The following FER1L6 variants were observed in gnomAD, a reference collection of about 807,000 sequenced individuals.
FER1L6 encodes fer-1 like family member 6.
FER1L6 carries 177 observed loss-of-function variants against 219.2 expected under a neutral mutation model. The ratio of observed to expected loss-of-function variants is 0.81; its 90% CI spans 0.71 to 0.91. The LOEUF is 0.91. FER1L6 is among the 40% of genes least tolerant of loss of function. FER1L6 has a pLI of 0.00. For missense variants in FER1L6, 2,153 were observed against 2,259.9 expected, an observed-to-expected ratio of 0.95 and a Z score of 0.96; for synonymous variants, 768 against 824.3, an observed-to-expected ratio of 0.93 and a Z score of 1.17.
intron 1 of FER1L6, among the ~76,000 whole-genome samples, chr8:123,950,726 A>T (rs1240936368): frequency 5.9e-5 from 9 of 152,200 alleles, no homozygotes; most frequent in African/African-American, 2.2e-4. Context: ...AGGGGCTAAC[A>T]CAGAAACATC....
At chr8:123,869,565 A>G (rs982561045) in intron 1 of FER1L6, among the ~76,000 whole-genome samples, 1 of 152,236 alleles carries the variant, frequency 6.6e-6, no homozygotes, top group Non-Finnish European at 1.5e-5. Flanking sequence ...TAAATAAAGG[A>G]AGAGATATTT....
At chr8:123,904,224 T>TTGTGTGTGTGTGTGTGTGTGTGTGTG (rs56224402) in intron 1 of FER1L6, among the ~76,000 whole-genome samples, 2 of 139,394 alleles carry the variant, frequency 1.4e-5, no homozygotes, top group African/African-American at 2.7e-5. Flanking sequence ...CTCTGTATAT[T>TTGTGTGTGTGTGTGTGTGTGTGTGTG]TGTGTGTGTG....
At chr8:124,048,345 G>A (rs1434046234) in intron 21 of FER1L6, among the ~76,000 whole-genome samples, 1 of 152,222 alleles carries the variant, frequency 6.6e-6, no homozygotes, top group Non-Finnish European at 1.5e-5. Context: ...TCTGCCCTGT[G>A]CTAGGGGACA....
intron 1 of FER1L6, among the ~76,000 whole-genome samples, chr8:123,934,831 T>C (rs1813919771): frequency 6.6e-6 from 1 of 152,162 alleles, no homozygotes; most frequent in Non-Finnish European, 1.5e-5. Context: ...TTCTATGATA[T>C]TGAGTTCTCA....
chr8:124,050,878 T>A (rs573802309), intron 22 of FER1L6, among the ~76,000 whole-genome samples: 1 of 152,146 alleles, frequency 6.6e-6, no homozygotes, highest in Admixed American at 6.5e-5. Context: ...TTGGGGTTGG[T>A]ATTTTAACGT....
intron 20 of FER1L6, among the ~76,000 whole-genome samples, chr8:124,042,233 T>C (rs1819534240): frequency 6.6e-6 from 1 of 152,254 alleles, no homozygotes. Flanking sequence ...AAGGAACAGA[T>C]GGCTTTTATT....
At chr8:123,998,583 G>A (rs1817256937) in intron 12 of FER1L6, among the ~76,000 whole-genome samples, 1 of 152,080 alleles carries the variant, frequency 6.6e-6, no homozygotes, top group Non-Finnish European at 1.5e-5. Flanking sequence ...GTTCAGTCAA[G>A]GACCAAGGGC....
intron 39 of FER1L6, among the ~76,000 whole-genome samples, chr8:124,112,029 G>A (rs1047726980): frequency 6.6e-5 from 10 of 152,150 alleles, no homozygotes; most frequent in African/African-American, 2.4e-4. Flanking sequence ...TAGCAAGTTA[G>A]GTGGTCCAGA....
At chr8:123,969,884 A>T in intron 5 of FER1L6, 151 bp from the exon 6 acceptor site, 2 of 621,994 alleles carry the variant, frequency 3.2e-6, no homozygotes, top group Non-Finnish European at 5.6e-6. Flanking sequence ...AAAAAAAAAA[A>T]AAGAGAATTG....
At chr8:123,873,675 G>A (rs907418527) in intron 1 of FER1L6, among the ~76,000 whole-genome samples, 3 of 152,124 alleles carry the variant, frequency 2.0e-5, no homozygotes, top group Non-Finnish European at 4.4e-5. Flanking sequence ...CTTTGAAGAT[G>A]TGGGTCCTGG....
At chr8:123,934,258 G>A (rs1473343015) in intron 1 of FER1L6, among the ~76,000 whole-genome samples, 1 of 152,076 alleles carries the variant, frequency 6.6e-6, no homozygotes, top group Non-Finnish European at 1.5e-5. Context: ...ATCTAATATG[G>A]CACATGTTCT....
chr8:124,070,204 T>C (rs1363569867), intron 29 of FER1L6, among the ~76,000 whole-genome samples: 4 of 152,226 alleles, frequency 2.6e-5, no homozygotes, highest in African/African-American at 4.8e-5. Flanking sequence ...AGGTTTGTTG[T>C]ATCTATACTT....
At chr8:123,895,382 G>A (rs1046158695) in intron 1 of FER1L6, among the ~76,000 whole-genome samples, 1 of 152,164 alleles carries the variant, frequency 6.6e-6, no homozygotes, top group African/African-American at 2.4e-5. Context: ...CTTGAATAGG[G>A]TCTAAGCATC....
intron 1 of FER1L6, among the ~76,000 whole-genome samples, chr8:123,954,879 C>T (rs1265060717): frequency 6.6e-6 from 1 of 152,166 alleles, no homozygotes; most frequent in South Asian, 2.1e-4. Flanking sequence ...GCCGTCTCCT[C>T]CCTTCGCCTC....
chr8:123,857,769 C>A (rs1397383994), intron 1 of FER1L6, among the ~76,000 whole-genome samples: 1 of 152,162 alleles, frequency 6.6e-6, no homozygotes, highest in African/African-American at 2.4e-5. Context: ...TTCTTGGAGG[C>A]CACCGCCCTT....
intron 2 of FER1L6, among the ~76,000 whole-genome samples, chr8:123,957,577 A>C (rs1815078792): frequency 6.6e-6 from 1 of 152,182 alleles, no homozygotes; most frequent in Non-Finnish European, 1.5e-5. Flanking sequence ...ATTTTATAAC[A>C]GAGGTTCAGA....
At position 123,966,599 on chromosome 8, in the gene FER1L6, T is replaced by A. The variant is rs572727980; in HGVS notation, c.384+309T>A. Among the ~76,000 whole-genome samples, 3 of 152,194 alleles carry A rather than the reference T, an allele frequency of 2.0e-5. No individual in the cohort carries two copies. The South Asian group carries it at 6.2e-4, about 32-fold the overall frequency. Reference sequence around the variant, plus strand: ...AGCCCTGGGTTTATAGTCAATAAATTGATTGAATGTCGGTTAGGGAGAAGA... The same window carrying A: ...AGCCCTGGGTTTATAGTCAATAAATAGATTGAATGTCGGTTAGGGAGAAGA... On this transcript the variant is annotated intron_variant, in intron 5 of 40. Coordinates refer to ENST00000522917, the MANE Select transcript of FER1L6 (RefSeq NM_001039112.2).
chr8:123,963,024 C>T (rs760947210), intron 2 of FER1L6, among the ~76,000 whole-genome samples: 21 of 152,136 alleles, frequency 1.4e-4, no homozygotes, highest in Non-Finnish European at 1.8e-4. Context: ...ATTCACAATC[C>T]GATTTTTCTT....
chr8:124,106,601 A>T (rs1000071451), intron 39 of FER1L6, among the ~76,000 whole-genome samples: 5 of 152,030 alleles, frequency 3.3e-5, no homozygotes, highest in Non-Finnish European at 7.4e-5. Context: ...GGATTGCCTT[A>T]GCCCCTTTCT....
Sources: gnomAD v4.1 joint callset for allele counts (sites outside exome capture counted in the v4.1 genomes callset) on GRCh38, gnomAD v4.1.1 for gene constraint, MANE v1.5 for transcripts, NCBI Gene and HGNC (gene_info 2026-07-23, HGNC 2026-07-21) for gene names.